The following CELF2 variants were observed in gnomAD, a reference collection of about 807,000 sequenced individuals.
CELF2 encodes CUG triplet repeat RNA-binding protein 2.
Under a neutral mutation model 62.6 loss-of-function variants are expected in CELF2, and 8 were observed. The ratio of observed to expected loss-of-function variants is 0.13; its 90% CI spans 0.07 to 0.23. The LOEUF (loss-of-function observed/expected upper bound fraction) is 0.23, where lower values mean the gene tolerates loss of function less well. CELF2 is among the 10% of genes least tolerant of loss of function. CELF2 has a pLI of 1.00. For synonymous variants in CELF2, 258 were observed against 250.0 expected (o/e 1.03, Z -0.30); for missense variants, 333 against 671.0 (o/e 0.50, Z 5.56).
chr10:10,764,589 G>C, the CELF2 span, among the ~76,000 whole-genome samples: 1 of 152,162 alleles, frequency 6.6e-6, no homozygotes, highest in Admixed American at 6.5e-5. Flanking sequence ...TAAGCTCCAA[G>C]GCACGTGTTA....
chr10:11,052,147 G>T (rs571871689), intron 1 of CELF2, among the ~76,000 whole-genome samples: 12 of 152,084 alleles, frequency 7.9e-5, no homozygotes, highest in Non-Finnish European at 1.8e-4. Flanking sequence ...TGTTGTCTAG[G>T]CTGGTCTTGA....
the CELF2 span, among the ~76,000 whole-genome samples, chr10:10,748,168 G>T: frequency 6.6e-6 from 1 of 152,068 alleles, no homozygotes; most frequent in Admixed American, 6.5e-5. Context: ...CAATAGCAGA[G>T]TAGGGTGACT....
intron 1 of CELF2, among the ~76,000 whole-genome samples, chr10:11,143,204 G>A (rs2061670197): frequency 6.6e-6 from 1 of 152,112 alleles, no homozygotes; most frequent in Non-Finnish European, 1.5e-5. Flanking sequence ...TTTTGGAGAT[G>A]GTAAAAATGT....
chr10:10,643,102 T>C, the CELF2 span, among the ~76,000 whole-genome samples: 1 of 152,254 alleles, frequency 6.6e-6, no homozygotes, highest in Non-Finnish European at 1.5e-5. Context: ...CTCCCCATCA[T>C]GCTGAACAGA....
the CELF2 span, among the ~76,000 whole-genome samples, chr10:10,633,774 T>C: frequency 6.6e-6 from 1 of 152,068 alleles, no homozygotes; most frequent in Non-Finnish European, 1.5e-5. Context: ...TTTATATTCC[T>C]GTAATGAGTG....
chr10:11,073,810 C>T (rs775502100), intron 1 of CELF2, among the ~76,000 whole-genome samples: 5 of 152,140 alleles, frequency 3.3e-5, no homozygotes, highest in Admixed American at 6.5e-5. Context: ...AAATGTCCTT[C>T]GTGTTTTACC....
At chr10:10,535,968 G>C in the CELF2 span, among the ~76,000 whole-genome samples, 22 of 151,654 alleles carry the variant, frequency 1.5e-4, no homozygotes, top group Non-Finnish European at 2.8e-4. Flanking sequence ...ACTAGTGGTA[G>C]CATAAGCATT....
intron 4 of CELF2, among the ~76,000 whole-genome samples, chr10:11,257,282 C>G (rs2079059852): frequency 6.9e-6 from 1 of 145,240 alleles, no homozygotes; most frequent in Non-Finnish European, 1.5e-5. Flanking sequence ...CCCCCATCGT[C>G]TTTCCTCTCC....
chr10:10,984,392 AT>A (rs1481502343), intron 2 of CELF2, among the ~76,000 whole-genome samples: 1 of 152,208 alleles, frequency 6.6e-6, no homozygotes, highest in Non-Finnish European at 1.5e-5. Context: ...TACTTGGCTT[AT>A]TTAACAATCT....
At chr10:11,200,856 G>A (rs1006945366) in intron 2 of CELF2, among the ~76,000 whole-genome samples, 22 of 152,348 alleles carry the variant, frequency 1.4e-4, no homozygotes, top group Non-Finnish European at 2.9e-4. Context: ...GAGTCGCACC[G>A]TACAAGTTGT....
upstream of CELF2, among the ~76,000 whole-genome samples, chr10:10,796,291 T>A (rs1429446223): frequency 1.3e-5 from 2 of 152,176 alleles, no homozygotes; most frequent in Non-Finnish European, 2.9e-5. Flanking sequence ...AGTGAATGAA[T>A]CAACACACCT....
chr10:10,870,957 A>G (rs1051263766), intron 1 of CELF2, among the ~76,000 whole-genome samples: 3 of 152,190 alleles, frequency 2.0e-5, no homozygotes, highest in Non-Finnish European at 4.4e-5. Flanking sequence ...AGTAGACAAG[A>G]GGCAGTGTAC....
At chr10:10,790,656 G>T in the CELF2 span, among the ~76,000 whole-genome samples, 1 of 152,144 alleles carries the variant, frequency 6.6e-6, no homozygotes, top group South Asian at 2.1e-4. Context: ...AAAAGGAGGG[G>T]TGAATGGTGA....
the CELF2 span, among the ~76,000 whole-genome samples, chr10:10,469,482 G>T: frequency 2.6e-5 from 4 of 151,830 alleles, no homozygotes; most frequent in African/African-American, 9.7e-5. Flanking sequence ...CCCCTTCTAT[G>T]CCTGGTTTGC....
chr10:11,170,482 G>A (rs1213211569), intron 2 of CELF2, among the ~76,000 whole-genome samples: 2 of 152,240 alleles, frequency 1.3e-5, no homozygotes, highest in Non-Finnish European at 2.9e-5. Flanking sequence ...TCCATCTGGA[G>A]TGGGCCCTGA....
chr10:10,798,117 C>T (rs545494582), upstream of CELF2, among the ~76,000 whole-genome samples: 3 of 152,002 alleles, frequency 2.0e-5, no homozygotes, highest in Non-Finnish European at 4.4e-5. Flanking sequence ...GCAAAAAATC[C>T]CTGCCAGAAA....
At chr10:11,203,973 C>T (rs896162930) in intron 2 of CELF2, among the ~76,000 whole-genome samples, 5 of 152,214 alleles carry the variant, frequency 3.3e-5, no homozygotes, top group African/African-American at 1.2e-4. Flanking sequence ...GGATGAAGCT[C>T]AGAGGCTGAG....
chr10:10,774,505 T>C, the CELF2 span, among the ~76,000 whole-genome samples: 2 of 152,188 alleles, frequency 1.3e-5, no homozygotes, highest in Admixed American at 1.3e-4. Context: ...AGAGTTCTTA[T>C]GAGATCTGGT....
the CELF2 span, among the ~76,000 whole-genome samples, chr10:10,769,708 G>A: frequency 6.6e-6 from 1 of 151,940 alleles, no homozygotes; most frequent in Non-Finnish European, 1.5e-5. Flanking sequence ...AGGTTGCAGT[G>A]AGCTGAGATC....
Sources: allele counts gnomAD v4.1 joint callset (sites outside exome capture counted in the v4.1 genomes callset), GRCh38; gene constraint gnomAD v4.1.1; transcripts MANE v1.5; gene names NCBI Gene and HGNC (gene_info 2026-07-23, HGNC 2026-07-21).